The following PTPRM variants were observed in gnomAD, a reference collection of about 807,000 sequenced individuals.
The protein encoded by PTPRM is protein tyrosine phosphatase receptor type M.
PTPRM carries 47 observed loss-of-function variants against 186.7 expected under a neutral mutation model. The observed-to-expected ratio is 0.25, with a 90% CI of 0.20 to 0.32. PTPRM has a LOEUF of 0.32. PTPRM is among the 10% of genes least tolerant of loss of function. The pLI, the probability that PTPRM is intolerant of heterozygous loss-of-function variation, is 1.00. For synonymous variants in PTPRM, 668 were observed against 674.9 expected, an observed-to-expected ratio of 0.99 and a Z score of 0.16; for missense variants, 1,494 against 1,865.0, an observed-to-expected ratio of 0.80 and a Z score of 3.66.
intron 1 of PTPRM, among the ~76,000 whole-genome samples, chr18:7,626,397 A>G (rs2038063953): frequency 6.6e-6 from 1 of 152,134 alleles, no homozygotes; most frequent in African/African-American, 2.4e-5. Context: ...CAGAGAGAAT[A>G]TTTTCCATTT....
At chr18:8,194,829 G>T (rs947546547) in intron 14 of PTPRM, among the ~76,000 whole-genome samples, 2 of 152,154 alleles carry the variant, frequency 1.3e-5, no homozygotes, top group African/African-American at 2.4e-5. Context: ...TTAGAGTGAC[G>T]CAGTGTCAGT....
rs80183943 is a variant in PTPRM, at chr18:7,849,386, G to A, written c.197-38720G>A. ...TCATTCCCTGCCCTGGCAATCTTTA[G>A]CAAAGAGAATGAATCCTAGATGGGT... On this transcript the variant is annotated intron_variant, in intron 2 of 32. Coordinates refer to ENST00000580170, the MANE Select transcript of PTPRM (RefSeq NM_001105244.2). 6.0e-3 allele frequency among the ~76,000 whole-genome samples: 917 copies of A among 152,314 alleles called. 18 individuals carry two copies. In the East Asian group the frequency reaches 0.067, roughly 11 times the overall value.
chr18:8,024,387 T>C (rs1365145050), intron 7 of PTPRM, among the ~76,000 whole-genome samples: 2 of 152,198 alleles, frequency 1.3e-5, no homozygotes, highest in Non-Finnish European at 2.9e-5. Flanking sequence ...TACTGCCCCA[T>C]GGCTGTGGGT....
chr18:8,191,822 A>C (rs1270382103), intron 14 of PTPRM, among the ~76,000 whole-genome samples: 1 of 152,170 alleles, frequency 6.6e-6, no homozygotes, highest in African/African-American at 2.4e-5. Flanking sequence ...AATAAATAGA[A>C]TATATGAAAC....
intron 14 of PTPRM, among the ~76,000 whole-genome samples, chr18:8,187,537 AG>A (rs1419873024): frequency 6.6e-6 from 1 of 152,182 alleles, no homozygotes. Context: ...GTTTTAAGTA[AG>A]GGCATGATGT....
At chr18:7,699,440 A>G (rs2039912717) in intron 1 of PTPRM, among the ~76,000 whole-genome samples, 1 of 152,024 alleles carries the variant, frequency 6.6e-6, no homozygotes, top group African/African-American at 2.4e-5. Flanking sequence ...ATGGAGTCTT[A>G]CTCTGTTGCC....
intron 7 of PTPRM, among the ~76,000 whole-genome samples, chr18:8,067,819 T>G (rs1451526536): frequency 5.3e-5 from 8 of 152,204 alleles, no homozygotes; most frequent in Non-Finnish European, 1.2e-4. Context: ...GAATGTGGCC[T>G]TGACCCTCTC....
chr18:8,214,507 G>T (rs2094052976), intron 14 of PTPRM, among the ~76,000 whole-genome samples: 1 of 152,018 alleles, frequency 6.6e-6, no homozygotes, highest in Non-Finnish European at 1.5e-5. Context: ...TTAAGTGAGA[G>T]TTTTTTATGT....
At chr18:7,689,008 G>A (rs4121621) in intron 1 of PTPRM, among the ~76,000 whole-genome samples, 68,361 of 151,958 alleles carry the variant, frequency 0.45, 17,003 homozygotes, top group East Asian at 0.83. Flanking sequence ...TACTCATTTA[G>A]TTTTTATTTT....
chr18:8,149,306 A>G (rs566955508), intron 14 of PTPRM, among the ~76,000 whole-genome samples: 74 of 152,292 alleles, frequency 4.9e-4, no homozygotes, highest in African/African-American at 1.6e-3. Flanking sequence ...GTAAGTCTCT[A>G]AGAACTTGCT....
Position 8,248,156 on chromosome 18 carries a change from T to C in PTPRM, c.2534T>C (p.Phe845Ser). ...TGCTTACGGTGTATGACAGACCCAT[T>C]TGTGCCAACTGCAATTTTAGGTGAG... ...SVPNSYYPDP[F>S]VPTAILVPIN... The change falls in exon 17 of 33, where the codon TTT (phenylalanine) becomes TCT (serine). Residue 845 changes from phenylalanine to serine, a missense_variant. Phe to Ser is a radical substitution (Grantham distance 155). This residue lies in a region of PTPRM where 1,107 missense variants were observed against 1,350.2 expected (regional missense o/e 0.82). Coordinates refer to ENST00000580170, the MANE Select transcript of PTPRM (RefSeq NM_001105244.2). 1 of 1,533,066 alleles carries C rather than the reference T, an allele frequency of 6.5e-7. No individual in the cohort carries two copies. 95.0% of individuals were successfully genotyped at this position (1,533,066 alleles called of 1,614,324 possible). A position where few individuals can be genotyped will look rare whatever the true frequency, so the allele number is the denominator to read the frequency against.
At chr18:7,709,209 A>G (rs1044581460) in intron 1 of PTPRM, among the ~76,000 whole-genome samples, 3 of 152,192 alleles carry the variant, frequency 2.0e-5, no homozygotes, top group African/African-American at 7.2e-5. Flanking sequence ...CATATCAATT[A>G]TCTTCTCAGA....
At chr18:7,874,298 AT>A (rs35711407) in intron 2 of PTPRM, among the ~76,000 whole-genome samples, 1,582 of 152,262 alleles carry the variant, frequency 0.01, 32 homozygotes, top group African/African-American at 0.036. Context: ...GGCATATGCA[AT>A]TTTTGTTAAT....
At chr18:7,691,626 G>T (rs1254741619) in intron 1 of PTPRM, among the ~76,000 whole-genome samples, 2 of 152,150 alleles carry the variant, frequency 1.3e-5, no homozygotes, top group Non-Finnish European at 2.9e-5. Context: ...AGAGCGTGAG[G>T]CTAGGCACCA....
At chr18:8,260,358 C>T (rs2094617063) in intron 19 of PTPRM, among the ~76,000 whole-genome samples, 1 of 152,022 alleles carries the variant, frequency 6.6e-6, no homozygotes, top group African/African-American at 2.4e-5. Context: ...GAGACAGAGT[C>T]TCACTATGTT....
intron 24 of PTPRM, among the ~76,000 whole-genome samples, chr18:8,372,870 G>T (rs1244747401): frequency 6.6e-6 from 1 of 151,296 alleles, no homozygotes; most frequent in East Asian, 1.9e-4. Flanking sequence ...GAGTTTTTTT[G>T]AACAATAGTC....
intron 1 of PTPRM, among the ~76,000 whole-genome samples, chr18:7,630,603 G>C (rs537469550): frequency 6.6e-6 from 1 of 152,234 alleles, no homozygotes; most frequent in Admixed American, 6.5e-5. Flanking sequence ...GGGCTATTTT[G>C]CTGGTTTATT....
chr18:7,948,130 T>TACACACACACAC (rs57918724), intron 5 of PTPRM, among the ~76,000 whole-genome samples: 83 of 137,900 alleles, frequency 6.0e-4, no homozygotes, highest in Non-Finnish European at 8.7e-4. Flanking sequence ...GATTATAAAA[T>TACACACACACAC]ACACACACAC....
chr18:8,351,458 T>C (rs2095533702), intron 23 of PTPRM, among the ~76,000 whole-genome samples: 1 of 152,188 alleles, frequency 6.6e-6, no homozygotes, highest in South Asian at 2.1e-4. Flanking sequence ...TGTGCCTGTT[T>C]CCACTTCTGC....
Sources: allele counts gnomAD v4.1 joint callset (sites outside exome capture counted in the v4.1 genomes callset), GRCh38; gene constraint gnomAD v4.1.1; regional missense constraint gnomAD v4.1.1; transcripts MANE v1.5; gene names NCBI Gene and HGNC (gene_info 2026-07-23, HGNC 2026-07-21).